The following HPCAL1 variants were observed in gnomAD, a reference collection of about 807,000 sequenced individuals.
HPCAL1 encodes the protein hippocalcin-like protein 1.
A neutral mutation model predicts 17.1 loss-of-function variants in HPCAL1; 8 were observed. The ratio of observed to expected loss-of-function variants is 0.47; its 90% CI spans 0.27 to 0.84. The LOEUF (loss-of-function observed/expected upper bound fraction) is 0.84, where lower values mean the gene tolerates loss of function less well. Among genes scored for constraint, HPCAL1 ranks in the 40% least tolerant of loss-of-function variants. The pLI is 0.13. For missense variants in HPCAL1, 165 were observed against 271.1 expected, an observed-to-expected ratio of 0.61 and a Z score of 2.75; for synonymous variants, 112 against 111.4, an observed-to-expected ratio of 1.01 and a Z score of -0.03.
chr2:10,314,447 G>A (rs1663179926), intron 1 of HPCAL1, among the ~76,000 whole-genome samples: 1 of 152,146 alleles, frequency 6.6e-6, no homozygotes, highest in African/African-American at 2.4e-5. Context: ...GTGGCGTAAG[G>A]GCGAGACAGA....
intron 1 of HPCAL1, among the ~76,000 whole-genome samples, chr2:10,371,801 G>A (rs1667224445): frequency 6.6e-6 from 1 of 152,206 alleles, no homozygotes; most frequent in African/African-American, 2.4e-5. Flanking sequence ...TCAGGGGTCA[G>A]CGTGCCATGG....
At chr2:10,314,190 C>T (rs1390378046) in intron 1 of HPCAL1, among the ~76,000 whole-genome samples, 1 of 151,216 alleles carries the variant, frequency 6.6e-6, no homozygotes, top group Admixed American at 6.6e-5. Flanking sequence ...TAGCAACTGC[C>T]ATCTTAGCAA....
At chr2:10,345,466 T>TG (rs1665377079) in intron 1 of HPCAL1, among the ~76,000 whole-genome samples, 1 of 150,134 alleles carries the variant, frequency 6.7e-6, no homozygotes, top group African/African-American at 2.4e-5. Flanking sequence ...TAGAAAAACT[T>TG]TTTTTTTTTT....
intron 1 of HPCAL1, among the ~76,000 whole-genome samples, chr2:10,326,755 G>A (rs903280928): frequency 2.6e-5 from 4 of 152,192 alleles, no homozygotes; most frequent in Non-Finnish European, 5.9e-5. Flanking sequence ...GGGTGTGACT[G>A]GTCCCTTTGG....
At chr2:10,376,055 AAG>A (rs985799086) in intron 1 of HPCAL1, among the ~76,000 whole-genome samples, 1 of 152,168 alleles carries the variant, frequency 6.6e-6, no homozygotes, top group Non-Finnish European at 1.5e-5. Flanking sequence ...GGTCGATTAA[AAG>A]AGTGTGTCAC....
chr2:10,413,641 C>T (rs1670481915), intron 2 of HPCAL1, among the ~76,000 whole-genome samples: 3 of 152,248 alleles, frequency 2.0e-5, no homozygotes, highest in Admixed American at 2.0e-4. Context: ...CTGTTACCTT[C>T]TAGCGGTGTG....
At chr2:10,339,952 G>C (rs191467858) in intron 1 of HPCAL1, among the ~76,000 whole-genome samples, 28 of 152,338 alleles carry the variant, frequency 1.8e-4, no homozygotes, top group Non-Finnish European at 4.1e-4. Context: ...GTGTATGTGA[G>C]GGGTATGGGG....
chr2:10,393,976 A>G (rs1443136631), intron 1 of HPCAL1, among the ~76,000 whole-genome samples: 1 of 146,748 alleles, frequency 6.8e-6, no homozygotes, highest in East Asian at 2.0e-4. Flanking sequence ...AAAAAAAAAA[A>G]GATTGGGGTG....
chr2:10,424,438 G>A, intron 4 of HPCAL1: 1 of 465,300 alleles, frequency 2.1e-6, no homozygotes, highest in South Asian at 1.6e-5. Flanking sequence ...GTCCCATGGG[G>A]TTGTGAGGTT....
At chr2:10,413,114 T>G (rs1212375118) in intron 2 of HPCAL1, among the ~76,000 whole-genome samples, 1 of 152,194 alleles carries the variant, frequency 6.6e-6, no homozygotes, top group East Asian at 1.9e-4. Flanking sequence ...AGAGAACAGA[T>G]GCAGAAACAG....
chr2:10,405,489 C>G (rs185404869), intron 2 of HPCAL1, among the ~76,000 whole-genome samples: 56 of 152,360 alleles, frequency 3.7e-4, no homozygotes, highest in East Asian at 2.3e-3. Flanking sequence ...GCCCCGTAGT[C>G]TCAGTTTTGC....
intron 1 of HPCAL1, among the ~76,000 whole-genome samples, chr2:10,374,062 G>T: frequency 6.6e-6 from 1 of 152,074 alleles, no homozygotes; most frequent in Non-Finnish European, 1.5e-5. Flanking sequence ...GGCCTGGCCC[G>T]GCCCGCCTGC....
intron 1 of HPCAL1, among the ~76,000 whole-genome samples, chr2:10,370,935 C>G (rs532471654): frequency 1.3e-5 from 2 of 152,232 alleles, no homozygotes; most frequent in African/African-American, 4.8e-5. Flanking sequence ...GGACGTGTGA[C>G]GGGGCAGCCC....
At position 10,419,681 on chromosome 2, in the gene HPCAL1, A is replaced by G; in HGVS notation, c.-24-53A>G. 1.3e-6 allele frequency: 2 copies of G among 1,529,284 alleles called. No individual in the cohort carries two copies. The highest frequency in any genetic ancestry group is 1.3e-5 in the South Asian group (1 of 79,060). The allele number at this position is 1,529,284 out of a possible 1,614,324, so 94.7% of individuals were successfully genotyped here. ...ATTTGGTCTCTCCGGCACATGGCTC[A>G]GCCCTGCTCCGTGGCCGTGGGTGGC... is the stretch of plus-strand genomic sequence containing the variant. On this transcript the variant is annotated intron_variant, in intron 2 of 4. Transcript: ENST00000307845. The surrounding 1 kb of genome is among the most constrained non-coding windows in gnomAD (Gnocchi z 5.0).
intron 1 of HPCAL1, among the ~76,000 whole-genome samples, chr2:10,337,150 G>A (rs1286678044): frequency 2.0e-5 from 3 of 152,062 alleles, no homozygotes; most frequent in African/African-American, 7.3e-5. Flanking sequence ...GCAAACCCTG[G>A]GGCCCAACCA....
At chr2:10,378,354 G>T (rs1667719876) in intron 1 of HPCAL1, among the ~76,000 whole-genome samples, 1 of 148,474 alleles carries the variant, frequency 6.7e-6, no homozygotes, top group Non-Finnish European at 1.5e-5. Context: ...TTTACTTCCT[G>T]TCCCGATAAA....
At chr2:10,347,262 C>T (rs1271757899) in intron 1 of HPCAL1, among the ~76,000 whole-genome samples, 3 of 152,058 alleles carry the variant, frequency 2.0e-5, no homozygotes, top group East Asian at 3.9e-4. Context: ...ACCCAGCCCC[C>T]GGCCCACCCT....
rs114483496 is a variant in HPCAL1, at chr2:10,330,866, T to C, written c.-111+27689T>C. On this transcript the variant is annotated intron_variant, in intron 1 of 4. Transcript: ENST00000307845. This position sits in a 1 kb window ranked among gnomAD's most constrained non-coding sequence, Gnocchi z 4.2. ...CGGACCCCGATCATCTTTGTGAGAA[T>C]GCAGGTTCCCAGGCCCACACCGTGC... is the stretch of plus-strand genomic sequence containing the variant. 2.0e-5 allele frequency among the ~76,000 whole-genome samples: 3 copies of C among 152,184 alleles called. No homozygotes were observed. Among genetic ancestry groups the C allele is most frequent in the Non-Finnish European group, 1.5e-5 (1 of 68,038 alleles).
At chr2:10,398,235 A>G (rs1669187246) in intron 2 of HPCAL1, among the ~76,000 whole-genome samples, 1 of 152,260 alleles carries the variant, frequency 6.6e-6, no homozygotes, top group Admixed American at 6.5e-5. Flanking sequence ...CCAGCCCCTG[A>G]GAGCCCTCAT....
Sources: gnomAD v4.1 joint callset for allele counts (sites outside exome capture counted in the v4.1 genomes callset) on GRCh38, gnomAD v4.1.1 for gene constraint, Gnocchi (gnomAD v3.1) non-coding constraint, MANE v1.5 for transcripts, NCBI Gene and HGNC (gene_info 2026-07-23, HGNC 2026-07-21) for gene names.